GRM8: variants seen among roughly 807,000 people sequenced by gnomAD.
GRM8 encodes the protein metabotropic glutamate receptor 8.
A neutral mutation model predicts 87.2 loss-of-function variants in GRM8; 47 were observed. The ratio of observed to expected loss-of-function variants is 0.54; its 90% CI spans 0.43 to 0.69. The LOEUF is 0.69. GRM8 is among the 30% of genes least tolerant of loss of function. The probability of loss-of-function intolerance (pLI) is 0.00; values close to 1 mark genes in which losing one functional copy is unlikely to be tolerated. For synonymous variants in GRM8, 396 were observed against 404.5 expected, an observed-to-expected ratio of 0.98 and a Z score of 0.25; for missense variants, 1,019 against 1,139.2, an observed-to-expected ratio of 0.89 and a Z score of 1.52.
intron 2 of GRM8, among the ~76,000 whole-genome samples, chr7:127,208,097 G>A (rs1796015998): frequency 6.6e-6 from 1 of 152,106 alleles, no homozygotes; most frequent in African/African-American, 2.4e-5. Flanking sequence ...CTCCTAATAA[G>A]AGACCATGGA....
At chr7:126,865,472 T>C (rs1798508302) in intron 6 of GRM8, among the ~76,000 whole-genome samples, 1 of 152,220 alleles carries the variant, frequency 6.6e-6, no homozygotes. Flanking sequence ...ATTCAATGGC[T>C]TTTAATATAT....
At chr7:126,890,988 T>A (rs1800946637) in intron 6 of GRM8, among the ~76,000 whole-genome samples, 1 of 152,020 alleles carries the variant, frequency 6.6e-6, no homozygotes, top group Admixed American at 6.6e-5. Context: ...CAGACTCACA[T>A]AACCAAGTAA....
At chr7:126,747,885 G>A (rs1342905137) in intron 7 of GRM8, among the ~76,000 whole-genome samples, 2 of 151,768 alleles carry the variant, frequency 1.3e-5, no homozygotes, top group Non-Finnish European at 2.9e-5. Flanking sequence ...TTATTCCTGT[G>A]TATATTTGTA....
At chr7:126,866,181 G>A (rs1027376874) in intron 6 of GRM8, among the ~76,000 whole-genome samples, 2 of 152,168 alleles carry the variant, frequency 1.3e-5, no homozygotes, top group Non-Finnish European at 2.9e-5. Flanking sequence ...GACTAATGGT[G>A]TTGAGCATCT....
At chr7:127,097,020 A>G (rs1824722620) in intron 3 of GRM8, among the ~76,000 whole-genome samples, 1 of 152,170 alleles carries the variant, frequency 6.6e-6, no homozygotes, top group Non-Finnish European at 1.5e-5. Flanking sequence ...TCTGGTGACA[A>G]TGGTCATTCA....
intron 6 of GRM8, among the ~76,000 whole-genome samples, chr7:126,824,390 A>T (rs548344449): frequency 2.0e-5 from 3 of 152,258 alleles, no homozygotes; most frequent in Non-Finnish European, 4.4e-5. Context: ...ACCAATAAAT[A>T]AAATGTACTG....
intron 2 of GRM8, among the ~76,000 whole-genome samples, chr7:127,153,748 G>A (rs1792547414): frequency 6.6e-6 from 1 of 152,116 alleles, no homozygotes. Flanking sequence ...CTGGCACAAG[G>A]TAGATGCTCA....
chr7:127,086,967 C>A (rs878956754), intron 3 of GRM8, among the ~76,000 whole-genome samples: 103 of 152,256 alleles, frequency 6.8e-4, no homozygotes, highest in Admixed American at 5.0e-3. Flanking sequence ...GGGCTCGATG[C>A]CAAAAGCTGG....
intron 3 of GRM8, among the ~76,000 whole-genome samples, chr7:126,959,836 G>GGCAAAACCAGTTTCATCACTTGTTA (rs1809121761): frequency 1.3e-5 from 2 of 152,086 alleles, no homozygotes; most frequent in Non-Finnish European, 2.9e-5. Context: ...ATAAACCTAA[G>GGCAAAACCAGTTTCATCACTTGTTA]GCAAAACCAG....
chr7:127,054,492 G>C (rs1317014123), intron 3 of GRM8, among the ~76,000 whole-genome samples: 1 of 152,076 alleles, frequency 6.6e-6, no homozygotes, highest in Non-Finnish European at 1.5e-5. Flanking sequence ...ATAAAATGCA[G>C]TCAATAATAT....
At chr7:126,587,901 C>A (rs1796308604) in intron 8 of GRM8, among the ~76,000 whole-genome samples, 1 of 145,476 alleles carries the variant, frequency 6.9e-6, no homozygotes. Context: ...AATTAAAAAT[C>A]CCAAGATTAA....
At chr7:127,165,784 C>T (rs1793417863) in intron 2 of GRM8, among the ~76,000 whole-genome samples, 1 of 152,098 alleles carries the variant, frequency 6.6e-6, no homozygotes, top group African/African-American at 2.4e-5. Flanking sequence ...TGAATTATTC[C>T]ACCTCTTTAC....
chr7:127,154,518 A>G (rs932503244), intron 2 of GRM8, among the ~76,000 whole-genome samples: 1 of 152,128 alleles, frequency 6.6e-6, no homozygotes, highest in African/African-American at 2.4e-5. Context: ...AGAGTAAAGA[A>G]GCCCACCCCT....
chr7:126,988,457 C>G (rs1812328777), intron 3 of GRM8, among the ~76,000 whole-genome samples: 1 of 152,226 alleles, frequency 6.6e-6, no homozygotes, highest in African/African-American at 2.4e-5. Context: ...AAAAGTCCTA[C>G]TAACTCTTGT....
chr7:126,697,191 C>G (rs1047401386), intron 7 of GRM8, among the ~76,000 whole-genome samples: 2 of 144,788 alleles, frequency 1.4e-5, no homozygotes, highest in African/African-American at 5.1e-5. Flanking sequence ...AAGTCAAGCC[C>G]ATAGAAAAAG....
chr7:126,664,853 G>T (rs917983698), intron 7 of GRM8, among the ~76,000 whole-genome samples: 6 of 152,104 alleles, frequency 3.9e-5, no homozygotes, highest in Non-Finnish European at 4.4e-5. Context: ...GAAAATATTT[G>T]CAAACTATGC....
At chr7:126,692,885 G>T (rs899206801) in intron 7 of GRM8, among the ~76,000 whole-genome samples, 2 of 152,156 alleles carry the variant, frequency 1.3e-5, no homozygotes, top group Non-Finnish European at 2.9e-5. Flanking sequence ...TAAAACAGAA[G>T]GAGGATCAGA....
intron 9 of GRM8, among the ~76,000 whole-genome samples, chr7:126,473,050 C>A (rs144682154): frequency 1.3e-5 from 2 of 152,296 alleles, no homozygotes; most frequent in Non-Finnish European, 2.9e-5. Flanking sequence ...CCTAGAGAAC[C>A]TCTGCTAAGG....
chr7:126,716,201 T>C (rs1340930672), intron 7 of GRM8, among the ~76,000 whole-genome samples: 1 of 152,102 alleles, frequency 6.6e-6, no homozygotes, highest in Non-Finnish European at 1.5e-5. Flanking sequence ...TCTAAAATGC[T>C]CATCTGGCTT....
Sources: allele counts gnomAD v4.1 joint callset (sites outside exome capture counted in the v4.1 genomes callset), GRCh38; gene constraint gnomAD v4.1.1; transcripts MANE v1.5; gene names NCBI Gene and HGNC (gene_info 2026-07-23, HGNC 2026-07-21).